KLHL1: variants seen among roughly 807,000 people sequenced by gnomAD.
KLHL1 encodes the protein kelch like family member 1, also known as kelch-like protein 1.
In KLHL1, 47 loss-of-function variants were observed where a neutral mutation model predicts 77.7. The ratio of observed to expected loss-of-function variants is 0.60; its 90% CI spans 0.48 to 0.77. The LOEUF is 0.77. KLHL1 is among the 30% of genes least tolerant of loss of function. KLHL1 has a pLI of 0.00. For missense variants in KLHL1, 925 were observed against 910.8 expected, an observed-to-expected ratio of 1.02 and a Z score of -0.20; for synonymous variants, 360 against 325.2, an observed-to-expected ratio of 1.11 and a Z score of -1.15.
chr13:69,800,802 G>A (rs186811721), intron 6 of KLHL1, among the ~76,000 whole-genome samples: 27 of 152,154 alleles, frequency 1.8e-4, no homozygotes, highest in African/African-American at 6.3e-4. Flanking sequence ...AAAGTCAGTC[G>A]TGAGTAATTT....
chr13:70,018,419 G>T (rs1381862449), intron 1 of KLHL1, among the ~76,000 whole-genome samples: 1 of 152,192 alleles, frequency 6.6e-6, no homozygotes, highest in African/African-American at 2.4e-5. Flanking sequence ...TTCAGCAGCT[G>T]TTCTAGCAGT....
At chr13:69,751,077 A>C (rs1158435584) in intron 7 of KLHL1, among the ~76,000 whole-genome samples, 1 of 151,072 alleles carries the variant, frequency 6.6e-6, no homozygotes, top group African/African-American at 2.4e-5. Context: ...CCTACTCTAC[A>C]AGCCTCTAAT....
At chr13:69,939,390 C>T (rs2501210) in intron 4 of KLHL1, among the ~76,000 whole-genome samples, 9 of 124,178 alleles carry the variant, frequency 7.2e-5, no homozygotes, top group Middle Eastern at 4.5e-3. Flanking sequence ...CACACACACA[C>T]GCACACACAT....
chr13:69,916,071 A>T (rs1431107154), intron 4 of KLHL1, among the ~76,000 whole-genome samples: 2 of 152,188 alleles, frequency 1.3e-5, no homozygotes, highest in Non-Finnish European at 2.9e-5. Flanking sequence ...AATGGCAATC[A>T]TTAAAAAGTC....
Position 69,701,678 on chromosome 13 carries a change from C to A in KLHL1, c.*24G>T, listed in dbSNP as rs377681849. 1.8e-4 allele frequency: 275 copies of A among 1,569,576 alleles called. 2 individuals carry two copies. Among genetic ancestry groups the A allele is most frequent in the South Asian group, 8.3e-4 (73 of 88,458 alleles). ...AAATAACCACTCCAGCAAGTAAAAT[C>A]TTTCCAAGTAAAATATCAATAAGTC... is the stretch of plus-strand genomic sequence containing the variant. On this transcript the variant is annotated 3_prime_UTR_variant, in exon 11 of 11. Transcript: ENST00000377844.
intron 4 of KLHL1, among the ~76,000 whole-genome samples, chr13:69,886,808 C>T (rs1295740551): frequency 1.3e-5 from 2 of 152,132 alleles, no homozygotes; most frequent in Non-Finnish European, 2.9e-5. Context: ...CCATCTTATA[C>T]TCTGTGACCA....
At chr13:69,920,105 T>C (rs1422098005) in intron 4 of KLHL1, among the ~76,000 whole-genome samples, 1 of 104,344 alleles carries the variant, frequency 9.6e-6, no homozygotes, top group Non-Finnish European at 2.2e-5. Context: ...TATTGTATTA[T>C]TATAATTCTC....
intron 1 of KLHL1, among the ~76,000 whole-genome samples, chr13:70,060,882 G>C (rs1360880981): frequency 1.3e-5 from 2 of 151,818 alleles, no homozygotes; most frequent in Non-Finnish European, 2.9e-5. Flanking sequence ...ATAAACAATA[G>C]AGTACCCTTC....
At position 69,975,537 on chromosome 13, in the gene KLHL1, A is replaced by C. The variant is rs1884519686; in HGVS notation, c.680+83T>G. 65 of 1,148,290 alleles carry C rather than the reference A, an allele frequency of 5.7e-5. No homozygotes were observed. In the East Asian group the frequency reaches 1.7e-3, roughly 29 times the overall value. 71.1% of individuals were successfully genotyped at this position (1,148,290 alleles called of 1,614,324 possible). ...AATGTGAATCCTTATTTCTGTAGTC[A>C]TATAATATTCTGCAATCTGCATGCC... On this transcript the variant is annotated intron_variant, in intron 2 of 10. Transcript: ENST00000377844.
intron 9 of KLHL1, among the ~76,000 whole-genome samples, chr13:69,711,129 C>T (rs925769694): frequency 4.6e-5 from 7 of 152,112 alleles, no homozygotes; most frequent in East Asian, 1.9e-4. Context: ...GGATAATAAT[C>T]GGCCTTAACA....
chr13:69,890,723 G>T (rs754845753), intron 4 of KLHL1, among the ~76,000 whole-genome samples: 2 of 151,570 alleles, frequency 1.3e-5, no homozygotes, highest in African/African-American at 2.4e-5. Context: ...CTGTATAGAA[G>T]GTCCTAATTT....
At chr13:70,042,430 C>T (rs1886398749) in intron 1 of KLHL1, among the ~76,000 whole-genome samples, 2 of 152,042 alleles carry the variant, frequency 1.3e-5, no homozygotes, top group Non-Finnish European at 2.9e-5. Flanking sequence ...CATTTTTAGT[C>T]AACAATGTAC....
intron 1 of KLHL1, among the ~76,000 whole-genome samples, chr13:70,081,091 A>G (rs1887380865): frequency 6.6e-6 from 1 of 152,160 alleles, no homozygotes; most frequent in African/African-American, 2.4e-5. Context: ...TAAAACACAC[A>G]TTTGATTTAA....
intron 3 of KLHL1, among the ~76,000 whole-genome samples, chr13:69,958,806 T>C (rs184821789): frequency 6.6e-6 from 1 of 152,104 alleles, no homozygotes; most frequent in East Asian, 1.9e-4. Context: ...TCATTTTTTT[T>C]CCTGTTTTCT....
intron 5 of KLHL1, among the ~76,000 whole-genome samples, chr13:69,869,879 T>C (rs1175948925): frequency 6.6e-6 from 1 of 152,186 alleles, no homozygotes; most frequent in South Asian, 2.1e-4. Flanking sequence ...TTTTCTGTCA[T>C]TCAAAAGTTG....
intron 1 of KLHL1, among the ~76,000 whole-genome samples, chr13:70,046,198 G>T (rs938912831): frequency 2.6e-5 from 4 of 151,840 alleles, no homozygotes; most frequent in African/African-American, 9.7e-5. Flanking sequence ...TCTTGTGTTT[G>T]TCACTGGAGC....
intron 1 of KLHL1, among the ~76,000 whole-genome samples, chr13:70,010,845 T>C (rs974029390): frequency 6.6e-6 from 1 of 151,664 alleles, no homozygotes; most frequent in Non-Finnish European, 1.5e-5. Flanking sequence ...TGAGCCAAGA[T>C]TGCGCCATTG....
chr13:69,870,901 T>C (rs540025144), intron 5 of KLHL1, among the ~76,000 whole-genome samples: 1 of 152,158 alleles, frequency 6.6e-6, no homozygotes, highest in South Asian at 2.1e-4. Flanking sequence ...ATGTGGCCGC[T>C]CTCAGGGATT....
intron 9 of KLHL1, among the ~76,000 whole-genome samples, chr13:69,708,253 G>A (rs888196846): frequency 2.6e-5 from 4 of 151,948 alleles, no homozygotes; most frequent in African/African-American, 7.2e-5. Context: ...GGAAAAAAAA[G>A]GAAAGATTTG....
Sources: gnomAD v4.1 joint callset for allele counts (sites outside exome capture counted in the v4.1 genomes callset) on GRCh38, gnomAD v4.1.1 for gene constraint, MANE v1.5 for transcripts, NCBI Gene and HGNC (gene_info 2026-07-23, HGNC 2026-07-21) for gene names.